Variants in RTN1 observed in about 807,000 individuals in gnomAD.
The protein encoded by RTN1 is reticulon 1.
Under a neutral mutation model 65.5 loss-of-function variants are expected in RTN1, and 25 were observed. The observed-to-expected ratio is 0.38, with a 90% CI of 0.28 to 0.53. The LOEUF is 0.53. Among genes scored for constraint, RTN1 ranks in the 20% least tolerant of loss-of-function variants. RTN1 has a pLI of 0.79. For synonymous variants in RTN1, 471 were observed against 447.6 expected (o/e 1.05, Z -0.66); for missense variants, 983 against 1,025.4 (o/e 0.96, Z 0.57).
intron 1 of RTN1, among the ~76,000 whole-genome samples, chr14:59,770,535 C>T (rs1173114905): frequency 3.3e-5 from 5 of 151,932 alleles, no homozygotes; most frequent in Non-Finnish European, 7.4e-5. Context: ...TTTCTGTGGT[C>T]CTTTCCCAGA....
chr14:59,646,781 T>A (rs1051185758), intron 3 of RTN1, among the ~76,000 whole-genome samples: 1 of 151,704 alleles, frequency 6.6e-6, no homozygotes, highest in Non-Finnish European at 1.5e-5. Flanking sequence ...TTACAAGAGA[T>A]CTTGAACGAA....
At position 59,658,071 on chromosome 14, in the gene RTN1, G is replaced by A. The variant is rs147867203; in HGVS notation, c.1766-50579C>T. 6.9e-3 allele frequency among the ~76,000 whole-genome samples: 1,044 copies of A among 152,338 alleles called. 7 individuals carry two copies. The highest frequency in any genetic ancestry group is 0.024 in the African/African-American group (978 of 41,588). ...CAGGTTGGTGGGGGGAGGGGCATCCGCCATTACTGAGGCTTGAGTATGTGG... is the reference window on the plus strand; with the variant it reads ...CAGGTTGGTGGGGGGAGGGGCATCCACCATTACTGAGGCTTGAGTATGTGG... On this transcript the variant is annotated intron_variant, in intron 3 of 8. Coordinates refer to ENST00000267484, the MANE Select transcript of RTN1 (RefSeq NM_021136.3).
intron 1 of RTN1, among the ~76,000 whole-genome samples, chr14:59,791,309 A>G (rs1161709769): frequency 6.6e-6 from 1 of 152,034 alleles, no homozygotes; most frequent in Admixed American, 6.6e-5. Flanking sequence ...CCTCCATATT[A>G]TCTGACACCT....
intron 1 of RTN1, among the ~76,000 whole-genome samples, chr14:59,781,028 A>G (rs773712245): frequency 1.1e-4 from 16 of 152,172 alleles, no homozygotes; most frequent in Admixed American, 6.5e-5. Flanking sequence ...AACATGTAAT[A>G]ATTATATCAT....
intron 3 of RTN1, among the ~76,000 whole-genome samples, chr14:59,657,748 G>A (rs1288686231): frequency 1.3e-5 from 2 of 152,168 alleles, no homozygotes; most frequent in African/African-American, 2.4e-5. Flanking sequence ...TTTGCAACCC[G>A]CAGACCAGGA....
intron 3 of RTN1, among the ~76,000 whole-genome samples, chr14:59,674,223 T>G (rs1883572134): frequency 6.6e-6 from 1 of 152,242 alleles, no homozygotes; most frequent in Admixed American, 6.5e-5. Flanking sequence ...TTATTGGCCA[T>G]GTCAGCTAAC....
At chr14:59,636,057 G>A (rs2140188396) in intron 3 of RTN1, among the ~76,000 whole-genome samples, 1 of 152,154 alleles carries the variant, frequency 6.6e-6, no homozygotes, top group East Asian at 1.9e-4. Flanking sequence ...CAGATTGGAT[G>A]AAAAAAATCT....
At chr14:59,741,639 T>C (rs1885119086) in intron 2 of RTN1, among the ~76,000 whole-genome samples, 1 of 152,186 alleles carries the variant, frequency 6.6e-6, no homozygotes. Flanking sequence ...TGGCTTCCAA[T>C]TACATTTGGA....
In RTN1 at chr14:59,691,542, C is replaced by T. The variant is rs535982917; in HGVS notation, c.1765+35377G>A. Among the ~76,000 whole-genome samples the T allele has an allele frequency of 2.6e-5, 4 of 152,224 alleles. No individual in the cohort carries two copies. In the South Asian group the frequency reaches 6.2e-4, roughly 24 times the overall value. ...GGTACCAATTCTACTGAAACTATTC[C>T]AAAACATCGAGGAGGGGGGACTCCT... On this transcript the variant is annotated intron_variant, in intron 3 of 8. Transcript: ENST00000267484.
intron 1 of RTN1, among the ~76,000 whole-genome samples, chr14:59,750,166 T>A (rs1885431769): frequency 1.5e-5 from 1 of 64,696 alleles, no homozygotes; most frequent in Non-Finnish European, 2.5e-5. Context: ...TAATATATAT[T>A]ATATCTATAA....
rs946830921 is a variant in RTN1 at position 59,603,408 on chromosome 14, A to T, written c.2183-150T>A. ...TTTTTTATTCCCTATTTTGAGAAGC[A>T]ATATCCAGCATTCTAGATAAAAGAT... is the stretch of plus-strand genomic sequence containing the variant. On this transcript the variant is annotated intron_variant, in intron 6 of 8. Transcript: ENST00000267484. 9.7e-6 allele frequency: 6 copies of T among 617,706 alleles called. No homozygotes were observed. The African/African-American group carries it at 1.2e-4, about 12-fold the overall frequency. The allele number at this position is 617,706 out of a possible 1,614,324, so 38.3% of individuals were successfully genotyped here. A position where few individuals can be genotyped will look rare whatever the true frequency, so the allele number is the denominator to read the frequency against.
At chr14:59,824,905 C>T (rs1021648766) in intron 1 of RTN1, among the ~76,000 whole-genome samples, 11 of 152,166 alleles carry the variant, frequency 7.2e-5, no homozygotes, top group Non-Finnish European at 1.5e-4. Context: ...ACAAATATGG[C>T]ATGACTTCAC....
At chr14:59,646,131 C>G (rs1293823823) in intron 3 of RTN1, among the ~76,000 whole-genome samples, 1 of 152,128 alleles carries the variant, frequency 6.6e-6, no homozygotes, top group Admixed American at 6.6e-5. Flanking sequence ...TCTGATAGAG[C>G]TGAAAAACAA....
chr14:59,790,018 G>C lies in RTN1; in HGVS notation c.242-43537C>G, dbSNP rs1886319959. ...TACGGCTATCGAATGAGATAAAAAA[G>C]GGAAATGCCCGAGCTAAAGCAATGA... is the stretch of plus-strand genomic sequence containing the variant. On this transcript the variant is annotated intron_variant, in intron 1 of 8. Coordinates refer to ENST00000267484, the MANE Select transcript of RTN1 (RefSeq NM_021136.3). This position sits in a 1 kb window ranked among gnomAD's most constrained non-coding sequence, Gnocchi z 4.1. Among the ~76,000 whole-genome samples the C allele has an allele frequency of 6.6e-6, 1 of 152,026 alleles. No homozygotes were observed. Among genetic ancestry groups the C allele is most frequent in the East Asian group, 1.9e-4 (1 of 5,196 alleles).
chr14:59,615,402 T>C (rs1046601408), intron 3 of RTN1, among the ~76,000 whole-genome samples: 1 of 152,046 alleles, frequency 6.6e-6, no homozygotes, highest in Non-Finnish European at 1.5e-5. Context: ...TGAACAGAGA[T>C]CATGCCATTG....
At chr14:59,661,326 A>G (rs1594661039) in intron 3 of RTN1, among the ~76,000 whole-genome samples, 1 of 151,982 alleles carries the variant, frequency 6.6e-6, no homozygotes, top group African/African-American at 2.4e-5. Flanking sequence ...CGAGGTATAA[A>G]GAGGAGCTGG....
chr14:59,704,375 G>A (rs2139450837), intron 3 of RTN1, among the ~76,000 whole-genome samples: 2 of 152,224 alleles, frequency 1.3e-5, no homozygotes, highest in South Asian at 4.2e-4. Context: ...GTTCCCCCTT[G>A]GCAAACTTCT....
At chr14:59,822,357 T>A (rs117242418) in intron 1 of RTN1, among the ~76,000 whole-genome samples, 5 of 152,316 alleles carry the variant, frequency 3.3e-5, no homozygotes, top group Admixed American at 1.3e-4. Flanking sequence ...GGTAGTAATG[T>A]TGCTTTTGTC....
chr14:59,870,312 G>A lies in RTN1; in HGVS notation c.241+78C>T. 7.5e-7 allele frequency: 1 copy of A among 1,339,636 alleles called. No homozygotes were observed. 83.0% of individuals were successfully genotyped at this position (1,339,636 alleles called of 1,614,324 possible). The stretch of plus-strand genomic sequence containing the variant: ...GCAGAAAGCGCGAGGCAGGTGCCCA[G>A]GAGAGCCGCGCAGAAGGGGACTGAC... On this transcript the variant is annotated intron_variant, in intron 1 of 8. Transcript: ENST00000267484. The surrounding 1 kb of genome is among the most constrained non-coding windows in gnomAD (Gnocchi z 5.1).
Sources: gnomAD v4.1 joint callset for allele counts (sites outside exome capture counted in the v4.1 genomes callset) on GRCh38, gnomAD v4.1.1 for gene constraint, Gnocchi (gnomAD v3.1) non-coding constraint, MANE v1.5 for transcripts, NCBI Gene and HGNC (gene_info 2026-07-23, HGNC 2026-07-21) for gene names.